Variants in TMEM135 observed in about 807,000 individuals in gnomAD.
TMEM135 encodes the protein peroxisomal membrane protein 52.
In TMEM135, 30 loss-of-function variants were observed where a neutral mutation model predicts 60.3. The ratio of observed to expected loss-of-function variants is 0.50; its 90% CI spans 0.37 to 0.68. TMEM135 has a LOEUF of 0.68. Ranked by LOEUF, TMEM135 falls within the 30% of genes least tolerant of loss-of-function variation. The pLI is 0.00. For synonymous variants in TMEM135, 190 were observed against 186.7 expected, an observed-to-expected ratio of 1.02 and a Z score of -0.14; for missense variants, 468 against 548.8, an observed-to-expected ratio of 0.85 and a Z score of 1.47.
chr11:87,100,691 G>T (rs973421924), intron 4 of TMEM135, among the ~76,000 whole-genome samples: 1 of 152,094 alleles, frequency 6.6e-6, no homozygotes, highest in Non-Finnish European at 1.5e-5. Flanking sequence ...GTGAAACTCC[G>T]TATCTACTAA....
At chr11:87,245,038 G>C (rs79270958) in intron 6 of TMEM135, among the ~76,000 whole-genome samples, 88,582 of 137,454 alleles carry the variant, frequency 0.64, 29,434 homozygotes, top group Non-Finnish European at 0.7. Flanking sequence ...CCCAGAGATT[G>C]TGGTATGTTG....
rs188122351 is a variant in TMEM135, at chr11:87,144,805, A to G, written c.397-12536A>G. On this transcript the variant is annotated intron_variant, in intron 4 of 14. Coordinates refer to ENST00000305494, the MANE Select transcript of TMEM135 (RefSeq NM_022918.4). ...AATTTTGTTAGTGATGTATCTGGGT[A>G]TGGTTTTTCTTTTTTATTATAAATT... Among the ~76,000 whole-genome samples the G allele has an allele frequency of 3.0e-3, 453 of 150,376 alleles. 3 individuals are homozygous for G. The highest frequency in any genetic ancestry group is 0.011 in the African/African-American group (437 of 40,924).
In TMEM135 at chr11:87,064,962, T is replaced by TCCCC. The variant is rs557418217; in HGVS notation, c.142-2729_142-2726dup. Among the ~76,000 whole-genome samples, 137 of 151,522 alleles carry TCCCC rather than the reference T, an allele frequency of 9.0e-4. 1 individual carries two copies. The highest frequency in any genetic ancestry group is 6.8e-3 in the Middle Eastern group (2 of 294). ...AGCTTTAGGATTAGCTTTTTTTTTT[T>TCCCC]CCCCCCACTCAGTATAATTCTGTGG... On this transcript the variant is annotated intron_variant, in intron 1 of 14. Transcript: ENST00000305494.
chr11:87,216,079 T>C (rs905654738), intron 5 of TMEM135, among the ~76,000 whole-genome samples: 1 of 152,232 alleles, frequency 6.6e-6, no homozygotes, highest in African/African-American at 2.4e-5. Context: ...TGTTCCTAAT[T>C]TATAAATTAA....
At chr11:87,139,045 G>T (rs1013882115) in intron 4 of TMEM135, among the ~76,000 whole-genome samples, 1 of 152,098 alleles carries the variant, frequency 6.6e-6, no homozygotes, top group Non-Finnish European at 1.5e-5. Flanking sequence ...TAGTATTTCT[G>T]TTGCTTTCGG....
At chr11:87,135,603 CTA>C (rs1478770658) in intron 4 of TMEM135, among the ~76,000 whole-genome samples, 1 of 149,668 alleles carries the variant, frequency 6.7e-6, no homozygotes, top group Non-Finnish European at 1.5e-5. Flanking sequence ...ATCTATTAGT[CTA>C]TGTTTAAACC....
In TMEM135 at chr11:87,074,501, A is replaced by G. The variant is rs117310728; in HGVS notation, c.362+2886A>G. Among the ~76,000 whole-genome samples the G allele has an allele frequency of 3.0e-3, 457 of 152,352 alleles. 4 individuals carry two copies. The highest frequency in any genetic ancestry group is 5.5e-3 in the Non-Finnish European group (375 of 68,036). On this transcript the variant is annotated intron_variant, in intron 3 of 14. Coordinates refer to ENST00000305494, the MANE Select transcript of TMEM135 (RefSeq NM_022918.4). ...ATTAAACTAAAGATGCTTTAAATCA[A>G]GGTAGCTACTATTTACTCTTATTTA...
At chr11:87,071,443 G>A in intron 2 of TMEM135, 80 bp from the exon 3 acceptor site, 1 of 1,048,444 alleles carries the variant, frequency 9.5e-7, no homozygotes, top group East Asian at 2.4e-5. Context: ...GAGTATGGAT[G>A]GAGAAGGGAA....
intron 6 of TMEM135, among the ~76,000 whole-genome samples, chr11:87,260,097 A>C (rs371841668): frequency 6.6e-6 from 1 of 152,160 alleles, no homozygotes; most frequent in Non-Finnish European, 1.5e-5. Context: ...GGATTATGCA[A>C]TTTTTATGGT....
At chr11:87,261,970 A>C (rs1446423187) in intron 6 of TMEM135, among the ~76,000 whole-genome samples, 2 of 152,274 alleles carry the variant, frequency 1.3e-5, no homozygotes, top group South Asian at 2.1e-4. Context: ...TTATATTTTT[A>C]AAAATGAGAT....
chr11:87,140,302 C>T (rs971445731), intron 4 of TMEM135, among the ~76,000 whole-genome samples: 2 of 151,978 alleles, frequency 1.3e-5, no homozygotes, highest in African/African-American at 2.4e-5. Context: ...CTCCTGACCT[C>T]GTGATCCGCC....
At chr11:87,266,539 A>G (rs1169535618) in intron 6 of TMEM135, among the ~76,000 whole-genome samples, 1 of 152,142 alleles carries the variant, frequency 6.6e-6, no homozygotes, top group Non-Finnish European at 1.5e-5. Flanking sequence ...GATTGGTTCT[A>G]GTCTCCCTTA....
intron 6 of TMEM135, among the ~76,000 whole-genome samples, chr11:87,285,801 T>TGCTGATTGGTCCATTTTAGAGACA (rs1942154203): frequency 6.6e-6 from 1 of 152,206 alleles, no homozygotes; most frequent in African/African-American, 2.4e-5. Context: ...ACCCTCATCC[T>TGCTGATTGGTCCATTTTAGAGACA]GCTGATTGGT....
At chr11:87,173,200 G>A (rs1459133998) in intron 5 of TMEM135, among the ~76,000 whole-genome samples, 1 of 152,162 alleles carries the variant, frequency 6.6e-6, no homozygotes, top group African/African-American at 2.4e-5. Context: ...ATTAGTTCAA[G>A]TAGTTCAAGT....
At chr11:87,193,683 G>A (rs1013482184) in intron 5 of TMEM135, among the ~76,000 whole-genome samples, 1 of 150,834 alleles carries the variant, frequency 6.6e-6, no homozygotes, top group African/African-American at 2.4e-5. Context: ...TAAGAACTCA[G>A]TTAGGTTTTT....
chr11:87,072,636 C>G (rs1274921867), intron 3 of TMEM135, among the ~76,000 whole-genome samples: 1 of 152,088 alleles, frequency 6.6e-6, no homozygotes, highest in Non-Finnish European at 1.5e-5. Context: ...CCGCCTTGGC[C>G]TCCCAAAGTG....
intron 3 of TMEM135, among the ~76,000 whole-genome samples, chr11:87,090,879 T>C (rs143876675): frequency 1.6e-4 from 24 of 152,248 alleles, no homozygotes; most frequent in African/African-American, 5.5e-4. Flanking sequence ...TGATTTAGTA[T>C]GATTTGTAAT....
chr11:87,234,160 G>T (rs1452994144), intron 5 of TMEM135, among the ~76,000 whole-genome samples: 1 of 151,880 alleles, frequency 6.6e-6, no homozygotes, highest in African/African-American at 2.4e-5. Context: ...TAGTGTCTCT[G>T]CTAACAAGTC....
intron 7 of TMEM135, among the ~76,000 whole-genome samples, chr11:87,300,921 G>GGCC (rs201058195): frequency 0.036 from 5,474 of 152,274 alleles, 93 homozygotes; most frequent in Admixed American, 0.046. Flanking sequence ...AGTAAATCCT[G>GGCC]TAAATGAACA....
Sources: gnomAD v4.1 joint callset for allele counts (sites outside exome capture counted in the v4.1 genomes callset) on GRCh38, gnomAD v4.1.1 for gene constraint, MANE v1.5 for transcripts, NCBI Gene and HGNC (gene_info 2026-07-23, HGNC 2026-07-21) for gene names.